Variants in TRDN observed in about 807,000 individuals in gnomAD.
TRDN encodes the protein triadin.
Under a neutral mutation model 149.7 loss-of-function variants are expected in TRDN, and 161 were observed. The ratio of observed to expected loss-of-function variants is 1.08; its 90% CI spans 0.95 to 1.23. TRDN has a LOEUF of 1.23. Ranked by LOEUF, TRDN falls within the 50% of genes most tolerant of loss-of-function variation. TRDN has a pLI of 0.00. For missense variants in TRDN, 896 were observed against 823.5 expected (o/e 1.09, Z -1.08); for synonymous variants, 294 against 250.5 (o/e 1.17, Z -1.64).
At chr6:123,369,141 C>A (rs1781226363) in intron 19 of TRDN, among the ~76,000 whole-genome samples, 1 of 152,120 alleles carries the variant, frequency 6.6e-6, no homozygotes, top group Admixed American at 6.5e-5. Context: ...TTGCCAGGAA[C>A]CCTTGGCATT....
chr6:123,249,023 C>T lies in TRDN; in HGVS notation c.1975+3389G>A, dbSNP rs554159983. On this transcript the variant is annotated intron_variant, in intron 38 of 40. Transcript: ENST00000334268. ...ATTTTGAAAAGATACTACACCATGA[C>T]CAAGTAGGATTCATCCCAGGGATGC... 1.4e-4 allele frequency among the ~76,000 whole-genome samples: 22 copies of T among 152,094 alleles called. No homozygotes were observed. In the South Asian group the frequency reaches 4.4e-3, roughly 30 times the overall value.
intron 4 of TRDN, among the ~76,000 whole-genome samples, chr6:123,543,729 C>G (rs1407005838): frequency 6.6e-6 from 1 of 151,900 alleles, no homozygotes; most frequent in Non-Finnish European, 1.5e-5. Flanking sequence ...AATAAAGTTG[C>G]CATATCCCTT....
chr6:123,358,416 C>T (rs1780769025), intron 20 of TRDN, among the ~76,000 whole-genome samples: 1 of 151,868 alleles, frequency 6.6e-6, no homozygotes, highest in African/African-American at 2.4e-5. Flanking sequence ...CCTTTTTTCT[C>T]CGTATCACCC....
intron 20 of TRDN, among the ~76,000 whole-genome samples, chr6:123,354,414 C>A (rs1364724589): frequency 6.6e-6 from 1 of 151,828 alleles, no homozygotes; most frequent in Non-Finnish European, 1.5e-5. Flanking sequence ...ATTTTATTAA[C>A]CTTTGCCTAA....
chr6:123,355,412 T>C (rs964539909), intron 20 of TRDN, among the ~76,000 whole-genome samples: 3 of 151,710 alleles, frequency 2.0e-5, no homozygotes, highest in Non-Finnish European at 4.4e-5. Flanking sequence ...TTTTTAATCA[T>C]TTAAATTTAG....
In TRDN at chr6:123,224,075, C is replaced by A. The variant is rs1775265074; in HGVS notation, c.2014+18G>T. ...TTTGAGAGAAAACTTGTAAATGATC[C>A]AAAGACAGCAAACTCACCTTTAGCT... On this transcript the variant is annotated intron_variant, in intron 39 of 40. Transcript: ENST00000334268. The A allele has an allele frequency of 6.2e-7, 1 of 1,606,634 alleles. No homozygotes were observed. Among genetic ancestry groups the A allele is most frequent in the Non-Finnish European group, 8.5e-7 (1 of 1,176,286 alleles).
chr6:123,339,979 A>G (rs905783321), intron 21 of TRDN, among the ~76,000 whole-genome samples: 4 of 152,168 alleles, frequency 2.6e-5, no homozygotes, highest in Non-Finnish European at 4.4e-5. Flanking sequence ...TGAGATAAAA[A>G]CTATTCATTT....
chr6:123,534,802 A>G (rs1183034518), intron 4 of TRDN, among the ~76,000 whole-genome samples: 1 of 152,180 alleles, frequency 6.6e-6, no homozygotes, highest in African/African-American at 2.4e-5. Context: ...ATAACATGAA[A>G]TAATGTATAA....
At chr6:123,617,375 C>T (rs902188451) in intron 1 of TRDN, among the ~76,000 whole-genome samples, 5 of 151,952 alleles carry the variant, frequency 3.3e-5, no homozygotes, top group African/African-American at 1.2e-4. Flanking sequence ...TTCAGAAATG[C>T]CTGTTGAGTT....
At chr6:123,565,919 A>C (rs1019586987) in intron 2 of TRDN, among the ~76,000 whole-genome samples, 6 of 152,222 alleles carry the variant, frequency 3.9e-5, no homozygotes, top group Middle Eastern at 3.2e-3. Flanking sequence ...GTTTGTCCCA[A>C]GTCCCTCCCA....
intron 11 of TRDN, 84 bp downstream of exon 11, chr6:123,438,860 T>C: frequency 9.1e-7 from 1 of 1,101,118 alleles, no homozygotes; most frequent in South Asian, 1.7e-5. Flanking sequence ...GGGAATTTCT[T>C]TCCTAGAAAA....
chr6:123,337,832 G>T lies in TRDN; in HGVS notation c.1370-163C>A, dbSNP rs190890798. ...GGCATATGTTGTCTATAAGACATTG[G>T]ACTAAATATGTAAACAATAGAAAAT... On this transcript the variant is annotated intron_variant, in intron 21 of 40. Coordinates refer to ENST00000334268, the MANE Select transcript of TRDN (RefSeq NM_006073.4). Among the ~76,000 whole-genome samples, 6 of 152,170 alleles carry T rather than the reference G, an allele frequency of 3.9e-5. No individual in the cohort carries two copies. The East Asian group carries it at 1.2e-3, about 29-fold the overall frequency.
intron 2 of TRDN, among the ~76,000 whole-genome samples, chr6:123,567,670 A>G (rs529974700): frequency 6.6e-6 from 1 of 152,266 alleles, no homozygotes; most frequent in East Asian, 1.9e-4. Flanking sequence ...TTAAAAAATC[A>G]TATCTCACAA....
intron 24 of TRDN, among the ~76,000 whole-genome samples, chr6:123,299,103 C>T (rs1290244452): frequency 6.6e-6 from 1 of 151,918 alleles, no homozygotes; most frequent in Non-Finnish European, 1.5e-5. Context: ...CTCTGTCATC[C>T]TAATCACCTC....
At position 123,269,876 on chromosome 6, in the gene TRDN, A is replaced by G. The variant is rs2114610669; in HGVS notation, c.1721-10T>C. 6.2e-7 allele frequency: 1 copy of G among 1,610,234 alleles called. No individual in the cohort carries two copies. Among genetic ancestry groups the G allele is most frequent in the Admixed American group, 1.7e-5 (1 of 59,606 alleles). On this transcript the variant is annotated splice_polypyrimidine_tract_variant and intron_variant, in intron 30 of 40. Coordinates refer to ENST00000334268, the MANE Select transcript of TRDN (RefSeq NM_006073.4). ...GTTGGTTTGGGCTTGGCTGTGGAGA[A>G]TGGAGGCAAGCACATGGCATATTGA...
chr6:123,319,872 G>A (rs1779178077), intron 23 of TRDN, among the ~76,000 whole-genome samples: 1 of 152,040 alleles, frequency 6.6e-6, no homozygotes, highest in African/African-American at 2.4e-5. Flanking sequence ...TGGGCCTGGG[G>A]AAGGGAGCTT....
intron 1 of TRDN, among the ~76,000 whole-genome samples, chr6:123,629,797 T>A (rs1785884431): frequency 6.6e-6 from 1 of 152,060 alleles, no homozygotes; most frequent in African/African-American, 2.4e-5. Context: ...ATGTTTGATG[T>A]TTAGAGAGCA....
chr6:123,393,519 C>T, intron 13 of TRDN, 105 bp downstream of exon 13: 3 of 957,848 alleles, frequency 3.1e-6, no homozygotes, highest in South Asian at 1.8e-5. Context: ...TTGCAATATC[C>T]CAGCAGATGG....
chr6:123,251,698 A>G (rs1485430571), intron 38 of TRDN, among the ~76,000 whole-genome samples: 1 of 151,930 alleles, frequency 6.6e-6, no homozygotes, highest in African/African-American at 2.4e-5. Flanking sequence ...TTTCATAAAT[A>G]TGGAAATAAA....
Sources: allele counts gnomAD v4.1 joint callset (sites outside exome capture counted in the v4.1 genomes callset), GRCh38; gene constraint gnomAD v4.1.1; transcripts MANE v1.5; gene names NCBI Gene and HGNC (gene_info 2026-07-23, HGNC 2026-07-21).